SSX5: variants seen among roughly 807,000 people sequenced by gnomAD.
SSX5 encodes protein SSX5.
Under a neutral mutation model 14.9 loss-of-function variants are expected in SSX5, and 14 were observed. The observed-to-expected ratio is 0.94, with a 90% CI of 0.62 to 1.47. SSX5 has a LOEUF of 1.47. SSX5 is among the 40% of genes most tolerant of loss of function. The pLI is 0.00. For missense variants in SSX5, 204 were observed against 154.6 expected (o/e 1.32, Z -1.70); for synonymous variants, 70 against 55.4 (o/e 1.26, Z -1.17).
At chrX:48,195,468 C>A in intron 1 of SSX5, 90 bp from the exon 2 acceptor site, 1 of 917,713 alleles carries the variant, frequency 1.1e-6, no homozygotes, top group Non-Finnish European at 1.5e-6. Context: ...CACTCAGTCA[C>A]CTGGAATCAG....
chrX:48,186,475 A>C lies in SSX5; in HGVS notation c.*386T>G. 3.1e-6 allele frequency: 1 copy of C among 324,972 alleles called. No homozygotes were observed. The highest frequency in any genetic ancestry group is 5.6e-5 in the East Asian group (1 of 17,724). The allele number at this position is 324,972 out of a possible 1,213,427, so 26.8% of individuals were successfully genotyped here. A position where few individuals can be genotyped will look rare whatever the true frequency, so the allele number is the denominator to read the frequency against. On this transcript the variant is annotated 3_prime_UTR_variant, in exon 8 of 8. Coordinates refer to ENST00000347757, the MANE Select transcript of SSX5 (RefSeq NM_175723.2). Reference sequence around the variant, plus strand: ...TGTAAATGCAGAGGAAAAAATCTGAAATTAAACACTCAGAACTGCCCTCAG... The same window carrying C: ...TGTAAATGCAGAGGAAAAAATCTGACATTAAACACTCAGAACTGCCCTCAG...
At position 48,194,849 on chromosome X, in the gene SSX5, G is replaced by C; in HGVS notation, c.75C>G (p.Phe25Leu). 1 of 1,200,244 alleles carries C rather than the reference G, an allele frequency of 8.3e-7. No homozygotes were observed. The highest frequency in any genetic ancestry group is 1.1e-6 in the Non-Finnish European group (1 of 891,284). The part of the protein sequence containing the change: ...SQIPEKMQKA[F>L]DDIAKYFSEK... ...CAGAGAAGTATTTGGCAATATCATC[G>C]AAGGCCTAGAAAAAAAAAAAGGATT... Residue 25 changes from phenylalanine (F) to leucine (L), a missense_variant, in exon 3 of 8, where the codon TTC becomes TTG. Physicochemically the swap from Phe to Leu is conservative, Grantham distance 22 (BLOSUM62 0). Transcript: ENST00000347757.
chrX:48,186,581 C>A lies in SSX5; in HGVS notation c.*280G>T, dbSNP rs1372576755. 1 of 455,894 alleles carries A rather than the reference C, an allele frequency of 2.2e-6. No homozygotes were observed. Among genetic ancestry groups the A allele is most frequent in the South Asian group, 3.2e-5 (1 of 31,469 alleles). 37.6% of individuals were successfully genotyped at this position (455,894 alleles called of 1,213,427 possible). A position where few individuals can be genotyped will look rare whatever the true frequency, so the allele number is the denominator to read the frequency against. ...CGATACTTGTTTTCTGAGGTAGGTG[C>A]ATGGATACACAAACTGAAATATGCA... On this transcript the variant is annotated 3_prime_UTR_variant, in exon 8 of 8. Transcript: ENST00000347757.
At chrX:48,193,168 T>C (rs781992130) in intron 4 of SSX5, among the ~76,000 whole-genome samples, 85 of 111,855 alleles carry the variant, frequency 7.6e-4, no homozygotes, top group African/African-American at 2.6e-3. Context: ...GTTCATCACC[T>C]TCACTCCTAA....
At position 48,192,394 on chromosome X, in the gene SSX5, TGAG is replaced by T. The variant is rs782034609; in HGVS notation, c.281-116_281-114del. 8 of 1,062,199 alleles carry T rather than the reference TGAG, an allele frequency of 7.5e-6. No homozygotes were observed. The African/African-American group carries it at 1.5e-4, about 20-fold the overall frequency. 87.5% of individuals were successfully genotyped at this position (1,062,199 alleles called of 1,213,427 possible). A position where few individuals can be genotyped will look rare whatever the true frequency, so the allele number is the denominator to read the frequency against. ...CAGAGGTTATGAGTCCACTGATTGTTGAGGAGTTATTTGAGATTTGCTTCTGAA... is the reference window on the plus strand; with the variant it reads ...CAGAGGTTATGAGTCCACTGATTGTTGAGTTATTTGAGATTTGCTTCTGAA... On this transcript the variant is annotated intron_variant, in intron 4 of 7. Coordinates refer to ENST00000347757, the MANE Select transcript of SSX5 (RefSeq NM_175723.2).
chrX:48,192,898 A>G (rs1315585607), intron 4 of SSX5, among the ~76,000 whole-genome samples: 3 of 112,234 alleles, frequency 2.7e-5, no homozygotes, highest in Non-Finnish European at 5.6e-5. Context: ...GTGTTGTCAG[A>G]GCAGAAGAGC....
intron 5 of SSX5, 72 bp from the exon 6 acceptor site, chrX:48,190,340 T>A (rs1238861226): frequency 9.2e-7 from 1 of 1,083,894 alleles, no homozygotes; most frequent in Non-Finnish European, 1.2e-6. Context: ...TTACAAAGAA[T>A]CTTCACATGC....
chrX:48,191,128 C>G (rs1391698098), intron 5 of SSX5, among the ~76,000 whole-genome samples: 1 of 109,552 alleles, frequency 9.1e-6, no homozygotes, highest in Non-Finnish European at 1.9e-5. Flanking sequence ...TGATCTCGAT[C>G]GCTTGACCTC....
Position 48,187,715 on chromosome X carries a change from T to A in SSX5, c.483A>T (p.Lys161Asn). Residue 161 changes from lysine to asparagine, a missense_variant, in exon 7 of 8, where the codon AAA (lysine) becomes AAT (asparagine). By Grantham distance (94) the Lys-to-Asn change is moderately conservative (BLOSUM62 0). Coordinates refer to ENST00000347757, the MANE Select transcript of SSX5 (RefSeq NM_175723.2). ...CACGCACTCTGTGGGTCCAGGCATG[T>A]TTCCCCCTTTTGGGTCCTATGATGG... ...VNKTSGPKRG[K>N]HAWTHRVRER... 8.3e-7 allele frequency: 1 copy of A among 1,209,312 alleles called. No individual in the cohort carries two copies. Among genetic ancestry groups the A allele is most frequent in the Non-Finnish European group, 1.1e-6 (1 of 894,739 alleles).
Position 48,194,166 on chromosome X carries a change from C to A in SSX5, c.243G>T (p.Gly81=). The change falls in exon 4 of 8, where the codon GGG becomes GGT. Residue 81 remains glycine (G), a synonymous_variant. Transcript: ENST00000347757. ...MRNKRVADFQ[G]NDFDNDPNRG... ...GGTTAGGGTCATTATCAAAATCATT[C>A]CCCTGGAAGTCTGCGACCCGTTTAT... is the stretch of plus-strand genomic sequence containing the variant. 2.5e-6 allele frequency: 3 copies of A among 1,210,576 alleles called. No homozygotes were observed. The highest frequency in any genetic ancestry group is 2.2e-6 in the Non-Finnish European group (2 of 895,109).
At position 48,195,240 on chromosome X, in the gene SSX5, C is replaced by T. The variant is rs782051544; in HGVS notation, c.69+50G>A. On this transcript the variant is annotated intron_variant, in intron 2 of 7. Coordinates refer to ENST00000347757, the MANE Select transcript of SSX5 (RefSeq NM_175723.2). ...CCTCCCCTCCTCAGAAAACTGATCA[C>T]CCCACACTGTCCCCTGGGCCACTAC... 9 of 1,204,389 alleles carry T rather than the reference C, an allele frequency of 7.5e-6. No homozygotes were observed. In the African/African-American group the frequency reaches 1.6e-4, roughly 21 times the overall value.
In SSX5 at chrX:48,195,372, C is replaced by A. The variant is rs1556925659; in HGVS notation, c.-14G>T. The A allele has an allele frequency of 8.3e-7, 1 of 1,209,700 alleles. No homozygotes were observed. Among genetic ancestry groups the A allele is most frequent in the Non-Finnish European group, 1.1e-6 (1 of 893,878 alleles). On this transcript the variant is annotated 5_prime_UTR_variant, in exon 2 of 8. Coordinates refer to ENST00000347757, the MANE Select transcript of SSX5 (RefSeq NM_175723.2). ...GTCTCCGTTCATGGCACCGGGAGCA[C>A]TCTGTCCTACAAGAGAAACAGTCTG... is the stretch of plus-strand genomic sequence containing the variant.
At chrX:48,191,017 T>C (rs1707158060) in intron 5 of SSX5, among the ~76,000 whole-genome samples, 2 of 110,198 alleles carry the variant, frequency 1.8e-5, no homozygotes, top group Non-Finnish European at 3.8e-5. Context: ...CGATTCTCCT[T>C]CCTTAGCCTC....
chrX:48,193,934 C>T (rs1308319455), intron 4 of SSX5, among the ~76,000 whole-genome samples, 195 bp downstream of exon 4: 2 of 103,972 alleles, frequency 1.9e-5, no homozygotes, highest in African/African-American at 7.0e-5. Flanking sequence ...TATAAAAATA[C>T]ATATTCTTGT....
chrX:48,187,908 A>T (rs1425378598), intron 6 of SSX5, among the ~76,000 whole-genome samples, 177 bp from the exon 7 acceptor site: 1 of 112,096 alleles, frequency 8.9e-6, no homozygotes, highest in Non-Finnish European at 1.9e-5. Context: ...CTGAGACCTT[A>T]GACCCACACC....
intron 4 of SSX5, among the ~76,000 whole-genome samples, chrX:48,193,024 T>G (rs2059426089): frequency 8.9e-6 from 1 of 112,341 alleles, no homozygotes; most frequent in Non-Finnish European, 1.9e-5. Flanking sequence ...GAAAGCTCTC[T>G]GTGTGTTGGA....
intron 7 of SSX5, 138 bp from the exon 8 acceptor site, chrX:48,186,994 G>T: frequency 2.7e-6 from 2 of 736,931 alleles, no homozygotes; most frequent in Non-Finnish European, 4.2e-6. Flanking sequence ...GCCTTCCATG[G>T]TTCCTTGAAG....
Position 48,190,272 on chromosome X carries a change from T to C in SSX5, c.331-4A>G. The C allele has an allele frequency of 8.4e-7, 1 of 1,195,998 alleles. No homozygotes were observed. Among genetic ancestry groups the C allele is most frequent in the Non-Finnish European group, 1.1e-6 (1 of 889,448 alleles). ...CTGCTGGCTTCTCGGGCGTGATCTT[T>C]ATAATGTGAAGGTCACAGATAAACA... On this transcript the variant is annotated splice_polypyrimidine_tract_variant and splice_region_variant and intron_variant, in intron 5 of 7. Transcript: ENST00000347757.
chrX:48,188,080 A>C (rs1458580556), intron 6 of SSX5, among the ~76,000 whole-genome samples: 1 of 110,556 alleles, frequency 9.0e-6, no homozygotes, highest in Non-Finnish European at 1.9e-5. Context: ...ATTGCACCTC[A>C]TTTTCATACT....
Sources: gnomAD v4.1 joint callset for allele counts (sites outside exome capture counted in the v4.1 genomes callset) on GRCh38, gnomAD v4.1.1 for gene constraint, MANE v1.5 for transcripts, NCBI Gene and HGNC (gene_info 2026-07-23, HGNC 2026-07-21) for gene names.